ZNF804B: variants seen among roughly 807,000 people sequenced by gnomAD.
ZNF804B encodes the protein zinc finger 804B.
A neutral mutation model predicts 101.4 loss-of-function variants in ZNF804B; 80 were observed. The observed-to-expected ratio is 0.79, with a 90% confidence interval of 0.66 to 0.95. The LOEUF is 0.95. Ranked by LOEUF, ZNF804B falls within the 40% of genes least tolerant of loss-of-function variation. The pLI is 0.00. For missense variants in ZNF804B, 1,673 were observed against 1,561.9 expected (o/e 1.07, Z -1.20); for synonymous variants, 622 against 558.8 (o/e 1.11, Z -1.59).
chr7:89,258,446 T>C (rs1015451539), intron 2 of ZNF804B, among the ~76,000 whole-genome samples: 12 of 152,190 alleles, frequency 7.9e-5, no homozygotes, highest in African/African-American at 2.9e-4. Flanking sequence ...TTTGGTTACA[T>C]AGTTGAATTA....
chr7:89,178,496 G>A (rs1788239526), intron 1 of ZNF804B, among the ~76,000 whole-genome samples: 1 of 151,908 alleles, frequency 6.6e-6, no homozygotes, highest in East Asian at 1.9e-4. Flanking sequence ...TTAAACTGAT[G>A]GTGACACTGA....
intron 1 of ZNF804B, among the ~76,000 whole-genome samples, chr7:89,129,456 T>C (rs781168944): frequency 1.3e-4 from 19 of 151,954 alleles, no homozygotes; most frequent in Non-Finnish European, 2.2e-4. Flanking sequence ...TGAAAATAAA[T>C]GTGCACTTCC....
chr7:88,988,583 T>C (rs1793799237), intron 1 of ZNF804B, among the ~76,000 whole-genome samples: 1 of 150,968 alleles, frequency 6.6e-6, no homozygotes, highest in Non-Finnish European at 1.5e-5. Flanking sequence ...GCAACTGCTC[T>C]TTTGAGAAGG....
intron 2 of ZNF804B, among the ~76,000 whole-genome samples, chr7:89,323,602 C>T (rs1307496818): frequency 6.6e-6 from 1 of 152,052 alleles, no homozygotes; most frequent in Non-Finnish European, 1.5e-5. Flanking sequence ...TACTATATGG[C>T]CATCTACCTT....
intron 3 of ZNF804B, among the ~76,000 whole-genome samples, chr7:89,332,795 T>C (rs1791006826): frequency 6.6e-6 from 1 of 151,814 alleles, no homozygotes; most frequent in Non-Finnish European, 1.5e-5. Context: ...TATGTCTTAT[T>C]TTATTATGCA....
At chr7:89,263,697 T>C (rs1789742716) in intron 2 of ZNF804B, among the ~76,000 whole-genome samples, 1 of 152,016 alleles carries the variant, frequency 6.6e-6, no homozygotes, top group Non-Finnish European at 1.5e-5. Context: ...ATAAATGTCC[T>C]CACCTGAAAC....
At chr7:88,795,987 G>T (rs1790477080) in intron 1 of ZNF804B, among the ~76,000 whole-genome samples, 1 of 151,954 alleles carries the variant, frequency 6.6e-6, no homozygotes, top group South Asian at 2.1e-4. Flanking sequence ...AAAAAGTATG[G>T]TTGTAGAACT....
intron 1 of ZNF804B, among the ~76,000 whole-genome samples, chr7:89,180,640 A>G (rs1788284290): frequency 6.6e-6 from 1 of 151,864 alleles, no homozygotes; most frequent in Non-Finnish European, 1.5e-5. Context: ...CTGTTATCCA[A>G]GTTGTATGAC....
chr7:89,141,834 A>G (rs1373546724), intron 1 of ZNF804B, among the ~76,000 whole-genome samples: 1 of 151,618 alleles, frequency 6.6e-6, no homozygotes, highest in Non-Finnish European at 1.5e-5. Flanking sequence ...AATATCTAGG[A>G]GGGGACTTCC....
At position 88,846,072 on chromosome 7, in the gene ZNF804B, T is replaced by C. The variant is rs17164712; in HGVS notation, c.108+85988T>C. On this transcript the variant is annotated intron_variant, in intron 1 of 3. Transcript: ENST00000333190. ...AAGGCACTGGTGGTCAAAGATATGCTGACACTGGCAGAACATTTTGCATTA... is the reference window on the plus strand; with the variant it reads ...AAGGCACTGGTGGTCAAAGATATGCCGACACTGGCAGAACATTTTGCATTA... 3.7e-3 allele frequency among the ~76,000 whole-genome samples: 560 copies of C among 152,350 alleles called. 6 individuals are homozygous for C. The highest frequency in any genetic ancestry group is 0.02 in the South Asian group (95 of 4,832).
chr7:89,161,826 A>G (rs1475709063), intron 1 of ZNF804B, among the ~76,000 whole-genome samples: 2 of 152,098 alleles, frequency 1.3e-5, no homozygotes, highest in Non-Finnish European at 2.9e-5. Flanking sequence ...TATGTTTGTT[A>G]TTTGTAATAC....
intron 1 of ZNF804B, among the ~76,000 whole-genome samples, chr7:89,080,351 A>G (rs771190712): frequency 2.6e-5 from 4 of 151,928 alleles, no homozygotes; most frequent in Non-Finnish European, 5.9e-5. Context: ...GTAGAAACAT[A>G]TTATAAAAAT....
chr7:88,980,236 T>C (rs1198328011), intron 1 of ZNF804B, among the ~76,000 whole-genome samples: 1 of 152,068 alleles, frequency 6.6e-6, no homozygotes, highest in Non-Finnish European at 1.5e-5. Context: ...GTTGAGCTTC[T>C]TCAGAAAAGC....
chr7:88,972,776 C>T (rs1461068790), intron 1 of ZNF804B, among the ~76,000 whole-genome samples: 1 of 150,804 alleles, frequency 6.6e-6, no homozygotes, highest in Non-Finnish European at 1.5e-5. Flanking sequence ...CCAAGGGTTC[C>T]ATAATTCTTC....
chr7:89,304,899 A>G (rs1222043502), intron 2 of ZNF804B, among the ~76,000 whole-genome samples: 1 of 151,230 alleles, frequency 6.6e-6, no homozygotes, highest in Non-Finnish European at 1.5e-5. Context: ...GGTTCTGAGA[A>G]GAAGTACAAA....
intron 1 of ZNF804B, among the ~76,000 whole-genome samples, chr7:88,852,003 T>C (rs1583975819): frequency 6.6e-6 from 1 of 152,256 alleles, no homozygotes; most frequent in East Asian, 1.9e-4. Context: ...TCAAGTCTAA[T>C]TGGCATATAG....
chr7:89,176,857 C>A (rs1357729178), intron 1 of ZNF804B, among the ~76,000 whole-genome samples: 1 of 151,722 alleles, frequency 6.6e-6, no homozygotes, highest in Non-Finnish European at 1.5e-5. Context: ...CTTCATGGTT[C>A]AATCTTGGTA....
At chr7:89,282,415 T>C (rs1790114239) in intron 2 of ZNF804B, among the ~76,000 whole-genome samples, 1 of 152,010 alleles carries the variant, frequency 6.6e-6, no homozygotes, top group African/African-American at 2.4e-5. Context: ...ATTTAAAAAC[T>C]TATTTTAAAA....
Position 89,220,077 on chromosome 7 carries a change from A to G in ZNF804B, c.249+1782A>G, listed in dbSNP as rs372927291. ...TACATATATACGCACATATATGTGTATATACATATATATACGCACATATAT... is the reference window on the plus strand; with the variant it reads ...TACATATATACGCACATATATGTGTGTATACATATATATACGCACATATAT... On this transcript the variant is annotated intron_variant, in intron 2 of 3. Transcript: ENST00000333190. 4.0e-3 allele frequency among the ~76,000 whole-genome samples: 224 copies of G among 56,154 alleles called. 28 individuals are homozygous for G. The highest frequency in any genetic ancestry group is 0.011 in the African/African-American group (122 of 10,660). 36.8% of individuals were successfully genotyped at this position (56,154 alleles called of 152,430 possible).
Sources: allele counts gnomAD v4.1 joint callset (sites outside exome capture counted in the v4.1 genomes callset), GRCh38; gene constraint gnomAD v4.1.1; transcripts MANE v1.5; gene names NCBI Gene and HGNC (gene_info 2026-07-23, HGNC 2026-07-21).